The following PPP2R3A variants were observed in gnomAD, a reference collection of about 807,000 sequenced individuals.
PPP2R3A encodes protein phosphatase 2 regulatory subunit B''alpha.
Under a neutral mutation model 106.9 loss-of-function variants are expected in PPP2R3A, and 80 were observed. The ratio of observed to expected loss-of-function variants is 0.75; its 90% CI spans 0.62 to 0.90. The LOEUF (loss-of-function observed/expected upper bound fraction) is 0.90. Ranked by LOEUF, PPP2R3A falls within the 40% of genes least tolerant of loss-of-function variation. The pLI is 0.00. For synonymous variants in PPP2R3A, 483 were observed against 468.3 expected (o/e 1.03, Z -0.41); for missense variants, 1,386 against 1,350.4 (o/e 1.03, Z -0.41).
At position 136,043,416 on chromosome 3, in the gene PPP2R3A, G is replaced by A. The variant is rs138524967; in HGVS notation, c.2366+2454G>A. On this transcript the variant is annotated intron_variant, in intron 4 of 13. Transcript: ENST00000264977. Reference sequence around the variant, plus strand: ...GGAGCTTGCAGTGAGCCGAGATCGCGCCTCTGCACTCCAGCCTGGGTGACA... The same window carrying A: ...GGAGCTTGCAGTGAGCCGAGATCGCACCTCTGCACTCCAGCCTGGGTGACA... Among the ~76,000 whole-genome samples, 219 of 152,166 alleles carry A rather than the reference G, an allele frequency of 1.4e-3. 1 individual carries two copies. In the Middle Eastern group the frequency reaches 0.017, roughly 12 times the overall value.
At chr3:136,040,713 A>G (rs1935237179) in intron 3 of PPP2R3A, 146 bp from the exon 4 acceptor site, 2 of 504,372 alleles carry the variant, frequency 4.0e-6, no homozygotes, top group South Asian at 3.5e-5. Flanking sequence ...CCTAGTTGAT[A>G]TATTTTCCTA....
At chr3:136,139,465 G>C (rs562986143) in intron 13 of PPP2R3A, among the ~76,000 whole-genome samples, 81 of 152,052 alleles carry the variant, frequency 5.3e-4, no homozygotes, top group South Asian at 1.7e-3. Flanking sequence ...GGAGGCCGAG[G>C]GGGGGGATCA....
intron 4 of PPP2R3A, among the ~76,000 whole-genome samples, chr3:136,047,683 C>T (rs555076070): frequency 2.4e-4 from 36 of 152,190 alleles, no homozygotes; most frequent in Non-Finnish European, 4.0e-4. Context: ...GAGTGGATCA[C>T]GAGGTCAGGA....
chr3:136,059,299 AC>A (rs957860779), intron 5 of PPP2R3A, among the ~76,000 whole-genome samples: 1 of 152,112 alleles, frequency 6.6e-6, no homozygotes, highest in Admixed American at 6.5e-5. Flanking sequence ...AGAAAAAAAA[AC>A]ATAAAAAAGT....
intron 1 of PPP2R3A, among the ~76,000 whole-genome samples, chr3:135,986,562 A>G (rs184999542): frequency 3.9e-4 from 59 of 151,956 alleles, no homozygotes; most frequent in African/African-American, 1.3e-3. Context: ...TTTGATGACT[A>G]TTTCTTCAGT....
At chr3:136,039,964 G>A (rs1462718858) in intron 3 of PPP2R3A, among the ~76,000 whole-genome samples, 1 of 151,838 alleles carries the variant, frequency 6.6e-6, no homozygotes, top group African/African-American at 2.4e-5. Flanking sequence ...ATCATTTGTG[G>A]TAGCCTCTAA....
chr3:136,109,771 TAGAAG>T (rs1236820753), intron 13 of PPP2R3A, among the ~76,000 whole-genome samples: 2 of 152,094 alleles, frequency 1.3e-5, no homozygotes, highest in African/African-American at 2.4e-5. Context: ...GAATATCACT[TAGAAG>T]AGAAACTTTC....
chr3:136,070,458 T>A lies in PPP2R3A; in HGVS notation c.2470-20T>A. On this transcript the variant is annotated intron_variant, in intron 5 of 13. Coordinates refer to ENST00000264977, the MANE Select transcript of PPP2R3A (RefSeq NM_002718.5). ...TTTTTGTATGTTTGTTAATTTAGTT[T>A]TGGTTTTGATCTTTTTCAGGATGTG... 6.3e-7 allele frequency: 1 copy of A among 1,578,310 alleles called. No individual in the cohort carries two copies. Among genetic ancestry groups the A allele is most frequent in the African/African-American group, 1.4e-5 (1 of 72,950 alleles).
chr3:136,001,008 A>G (rs1273600731), intron 1 of PPP2R3A, 51 bp from the exon 2 acceptor site: 5 of 396,244 alleles, frequency 1.3e-5, no homozygotes, highest in Non-Finnish European at 4.4e-6. Context: ...AGAGGAAATC[A>G]AAAGTTCCAG....
chr3:136,088,073 A>T, intron 9 of PPP2R3A, 142 bp downstream of exon 9: 1 of 627,342 alleles, frequency 1.6e-6, no homozygotes, highest in East Asian at 2.9e-5. Flanking sequence ...GGCTTAATAC[A>T]AGACAGTAAT....
At chr3:135,973,796 A>G (rs954805424) in intron 1 of PPP2R3A, among the ~76,000 whole-genome samples, 2 of 152,170 alleles carry the variant, frequency 1.3e-5, no homozygotes, top group African/African-American at 4.8e-5. Context: ...CTAATTTATC[A>G]CTATGTGCCA....
intron 8 of PPP2R3A, among the ~76,000 whole-genome samples, chr3:136,083,666 T>C (rs539585135): frequency 4.6e-5 from 7 of 152,092 alleles, no homozygotes; most frequent in Non-Finnish European, 1.0e-4. Flanking sequence ...GTTGGAACAG[T>C]TTGGAGGGCT....
At chr3:136,045,876 C>G (rs1449274758) in intron 4 of PPP2R3A, among the ~76,000 whole-genome samples, 1 of 152,204 alleles carries the variant, frequency 6.6e-6, no homozygotes, top group Non-Finnish European at 1.5e-5. Flanking sequence ...GTACAGGATT[C>G]TGGCCACAAA....
chr3:136,140,103 C>T (rs1255268310), intron 13 of PPP2R3A, among the ~76,000 whole-genome samples: 1 of 151,972 alleles, frequency 6.6e-6, no homozygotes, highest in Non-Finnish European at 1.5e-5. Flanking sequence ...ATCCTCTGAC[C>T]CCTCTGTTCA....
chr3:136,129,004 G>A (rs1253358743), intron 13 of PPP2R3A, among the ~76,000 whole-genome samples: 2 of 152,148 alleles, frequency 1.3e-5, no homozygotes, highest in Non-Finnish European at 2.9e-5. Context: ...GAATCTCTGG[G>A]ACACATTTAA....
intron 6 of PPP2R3A, among the ~76,000 whole-genome samples, chr3:136,074,265 C>T (rs1391737634): frequency 6.6e-6 from 1 of 152,100 alleles, no homozygotes; most frequent in Non-Finnish European, 1.5e-5. Flanking sequence ...ATCTATGTTA[C>T]AGGAAAGGCT....
At chr3:136,027,328 A>T (rs578069226) in intron 3 of PPP2R3A, among the ~76,000 whole-genome samples, 1 of 152,254 alleles carries the variant, frequency 6.6e-6, no homozygotes, top group Non-Finnish European at 1.5e-5. Context: ...TCTCTGCTTG[A>T]ATGCTTTCAG....
chr3:136,125,092 G>A (rs1464670972), intron 13 of PPP2R3A, among the ~76,000 whole-genome samples: 1 of 152,318 alleles, frequency 6.6e-6, no homozygotes, highest in East Asian at 1.9e-4. Context: ...AGGCCAAGGT[G>A]GGCAGTTCAC....
At chr3:136,041,872 T>C (rs1173657086) in intron 4 of PPP2R3A, among the ~76,000 whole-genome samples, 2 of 152,188 alleles carry the variant, frequency 1.3e-5, no homozygotes, top group Non-Finnish European at 2.9e-5. Flanking sequence ...TTTTTCTCCC[T>C]TCTTTCTTCT....
Sources: allele counts gnomAD v4.1 joint callset (sites outside exome capture counted in the v4.1 genomes callset), GRCh38; gene constraint gnomAD v4.1.1; transcripts MANE v1.5; gene names NCBI Gene and HGNC (gene_info 2026-07-23, HGNC 2026-07-21).